DAGLA: variants seen among roughly 807,000 people sequenced by gnomAD.
The protein encoded by DAGLA is diacylglycerol lipase alpha, also known as diacylglycerol lipase-alpha.
Under a neutral mutation model 102.6 loss-of-function variants are expected in DAGLA, and 22 were observed. The observed-to-expected ratio is 0.21, with a 90% CI of 0.15 to 0.31. The LOEUF (loss-of-function observed/expected upper bound fraction) is 0.31. Ranked by LOEUF, DAGLA falls within the 10% of genes least tolerant of loss-of-function variation. DAGLA has a pLI of 1.00. For missense variants in DAGLA, 927 were observed against 1,446.6 expected (o/e 0.64, Z 5.83); for synonymous variants, 578 against 628.9 (o/e 0.92, Z 1.21).
rs149890311 is a variant in DAGLA, at chr11:61,743,949, C to T, written c.2589C>T (p.Gly863=). The change falls in exon 20 of 20, where the codon GGC becomes GGT. Residue 863 remains glycine, a synonymous_variant. Transcript: ENST00000257215. ...TQPLEAALGS[G]GVTPERPPSA... ...CCCTGGAGGCGGCCCTGGGCAGTGG[C>T]GGCGTCACTCCTGAGCGGCCCCCCA... is the stretch of plus-strand genomic sequence containing the variant. The T allele has an allele frequency of 5.0e-4, 812 of 1,611,870 alleles. No homozygotes were observed. Among genetic ancestry groups the T allele is most frequent in the Non-Finnish European group, 6.4e-4 (754 of 1,179,682 alleles).
At chr11:61,729,121 G>T (rs1349490779) in intron 8 of DAGLA, 113 bp downstream of exon 8, 7 of 912,616 alleles carry the variant, frequency 7.7e-6, no homozygotes, top group African/African-American at 6.5e-5. Context: ...CATTGCCCCT[G>T]CCCGGTCTCC....
At chr11:61,731,503 A>G (rs574581388) in intron 9 of DAGLA, 62 bp downstream of exon 9, 349 of 1,599,328 alleles carry the variant, frequency 2.2e-4, no homozygotes, top group Non-Finnish European at 3.8e-5. Context: ...TGTGTGAGGA[A>G]GGGCTACCGG....
At chr11:61,710,639 CAAGTCAGAGGA>C (rs1378799516) in intron 1 of DAGLA, among the ~76,000 whole-genome samples, 1 of 152,058 alleles carries the variant, frequency 6.6e-6, no homozygotes, top group Non-Finnish European at 1.5e-5. Flanking sequence ...TCCAAGAAGG[CAAGTCAGAGGA>C]TTATGCAGGC....
chr11:61,729,024 A>G lies in DAGLA; in HGVS notation c.849+16A>G. The G allele has an allele frequency of 6.2e-7, 1 of 1,608,384 alleles. No individual in the cohort carries two copies. The highest frequency in any genetic ancestry group is 8.5e-7 in the Non-Finnish European group (1 of 1,175,228). ...CAAGAATTCAGTGAGTCAGACATCA[A>G]CTCTCACCCCACCCCGTCCCCATCC... is the stretch of plus-strand genomic sequence containing the variant. On this transcript the variant is annotated intron_variant, in intron 8 of 19. Coordinates refer to ENST00000257215, the MANE Select transcript of DAGLA (RefSeq NM_006133.3).
At chr11:61,723,717 A>G (rs1043638832) in intron 5 of DAGLA, 145 bp downstream of exon 5, 1 of 965,144 alleles carries the variant, frequency 1.0e-6, no homozygotes, top group Non-Finnish European at 1.5e-6. Flanking sequence ...AAAGGGCTTA[A>G]CTGCTCCCTG....
chr11:61,708,384 CT>C (rs572932021), intron 1 of DAGLA, among the ~76,000 whole-genome samples: 660 of 142,760 alleles, frequency 4.6e-3, no homozygotes, highest in African/African-American at 8.0e-3. Flanking sequence ...CACTTTACAA[CT>C]TTTTTTTTTT....
At chr11:61,694,018 CAG>C (rs2135553720) in intron 1 of DAGLA, among the ~76,000 whole-genome samples, 1 of 152,344 alleles carries the variant, frequency 6.6e-6, no homozygotes, top group Non-Finnish European at 1.5e-5. Flanking sequence ...ATCTAAATTC[CAG>C]AGTCTAGGCA....
chr11:61,711,453 C>T (rs746454231), intron 1 of DAGLA, among the ~76,000 whole-genome samples: 2 of 152,194 alleles, frequency 1.3e-5, no homozygotes, highest in African/African-American at 2.4e-5. Context: ...AAAACATTGT[C>T]GGAGCACAGG....
chr11:61,728,881 C>A, intron 7 of DAGLA, 50 bp from the exon 8 acceptor site: 1 of 1,550,038 alleles, frequency 6.5e-7, no homozygotes, highest in Non-Finnish European at 8.9e-7. Flanking sequence ...CCCAGCCATG[C>A]AGCCGGGCCT....
intron 1 of DAGLA, among the ~76,000 whole-genome samples, chr11:61,706,618 A>G (rs922279047): frequency 3.3e-5 from 5 of 152,206 alleles, no homozygotes; most frequent in Non-Finnish European, 7.4e-5. Context: ...ACCTCCCACA[A>G]CATCCAGAGA....
At chr11:61,689,296 T>A (rs983915726) in intron 1 of DAGLA, among the ~76,000 whole-genome samples, 1 of 152,252 alleles carries the variant, frequency 6.6e-6, no homozygotes, top group Admixed American at 6.5e-5. Flanking sequence ...GAACTCCCAG[T>A]GCCCTGCCTC....
chr11:61,721,025 C>A, intron 3 of DAGLA, 135 bp downstream of exon 3: 1 of 800,682 alleles, frequency 1.2e-6, no homozygotes, highest in Non-Finnish European at 2.0e-6. Flanking sequence ...CTAAGGCCTT[C>A]TGTAGCTTAC....
chr11:61,703,542 C>T (rs2065125313), intron 1 of DAGLA, among the ~76,000 whole-genome samples: 1 of 152,142 alleles, frequency 6.6e-6, no homozygotes, highest in Admixed American at 6.6e-5. Context: ...GGCCAGGGTG[C>T]CTGGGAGGCT....
At chr11:61,729,202 C>T (rs921752453) in intron 8 of DAGLA, among the ~76,000 whole-genome samples, 194 bp downstream of exon 8, 1 of 152,232 alleles carries the variant, frequency 6.6e-6, no homozygotes, top group Non-Finnish European at 1.5e-5. Flanking sequence ...CACACCGGTT[C>T]GACAGACAAA....
chr11:61,693,921 G>A (rs974382019), intron 1 of DAGLA, among the ~76,000 whole-genome samples: 5 of 152,260 alleles, frequency 3.3e-5, no homozygotes, highest in African/African-American at 7.2e-5. Context: ...AGAGGAGAGG[G>A]TGGGGAGGGG....
chr11:61,707,909 A>G (rs1266056527), intron 1 of DAGLA, among the ~76,000 whole-genome samples: 3 of 152,192 alleles, frequency 2.0e-5, no homozygotes, highest in African/African-American at 7.2e-5. Flanking sequence ...GGAGAGCTTT[A>G]TAGCTAATGG....
chr11:61,730,916 CAG>C (rs963356131), intron 8 of DAGLA, among the ~76,000 whole-genome samples: 1 of 152,224 alleles, frequency 6.6e-6, no homozygotes, highest in Non-Finnish European at 1.5e-5. Context: ...TGGGGCCTCT[CAG>C]GGCTACATTT....
intron 12 of DAGLA, among the ~76,000 whole-genome samples, 159 bp downstream of exon 12, chr11:61,735,975 C>T (rs1380139266): frequency 6.6e-6 from 1 of 152,200 alleles, no homozygotes; most frequent in African/African-American, 2.4e-5. Flanking sequence ...TTGCGGCCCA[C>T]TGCTGCGACC....
At chr11:61,696,651 C>T (rs924885463) in intron 1 of DAGLA, among the ~76,000 whole-genome samples, 1 of 151,950 alleles carries the variant, frequency 6.6e-6, no homozygotes, top group Non-Finnish European at 1.5e-5. Context: ...GGTCAGCACC[C>T]GGATCCAAAG....
Sources: gnomAD v4.1 joint callset for allele counts (sites outside exome capture counted in the v4.1 genomes callset) on GRCh38, gnomAD v4.1.1 for gene constraint, MANE v1.5 for transcripts, NCBI Gene and HGNC (gene_info 2026-07-23, HGNC 2026-07-21) for gene names.